CPQ: variants seen among roughly 807,000 people sequenced by gnomAD.
The protein encoded by CPQ is carboxypeptidase Q, also known as Ser-Met dipeptidase.
In CPQ, 37 loss-of-function variants were observed where a neutral mutation model predicts 45.7. That is an observed-to-expected ratio of 0.81 (90% CI 0.62 to 1.07). CPQ has a LOEUF of 1.07. Among genes scored for constraint, CPQ ranks in the 50% least tolerant of loss-of-function variants. The pLI is 0.00. For missense variants in CPQ, 537 were observed against 572.9 expected, an observed-to-expected ratio of 0.94 and a Z score of 0.64; for synonymous variants, 186 against 205.8, an observed-to-expected ratio of 0.90 and a Z score of 0.82.
intron 4 of CPQ, among the ~76,000 whole-genome samples, chr8:96,921,193 T>C (rs1300866260): frequency 6.6e-6 from 1 of 152,170 alleles, no homozygotes; most frequent in Admixed American, 6.5e-5. Flanking sequence ...TCCCCCTTTC[T>C]TTTTATGTTT....
chr8:96,751,225 A>G (rs1402195560), intron 1 of CPQ, among the ~76,000 whole-genome samples: 1 of 152,162 alleles, frequency 6.6e-6, no homozygotes, highest in East Asian at 1.9e-4. Flanking sequence ...GTCTTCCACA[A>G]TTGTTGAACT....
At chr8:97,053,216 CCTA>C (rs1355545681) in intron 6 of CPQ, among the ~76,000 whole-genome samples, 1 of 152,154 alleles carries the variant, frequency 6.6e-6, no homozygotes, top group South Asian at 2.1e-4. Flanking sequence ...TTACTGAGAG[CCTA>C]CTAAGTGCCA....
At chr8:96,869,599 T>C (rs1322695853) in intron 3 of CPQ, among the ~76,000 whole-genome samples, 1 of 152,078 alleles carries the variant, frequency 6.6e-6, no homozygotes, top group Non-Finnish European at 1.5e-5. Context: ...GAGATCACAC[T>C]TTTTCCATTG....
intron 7 of CPQ, among the ~76,000 whole-genome samples, chr8:97,089,502 T>C (rs1811097512): frequency 6.6e-6 from 1 of 152,130 alleles, no homozygotes; most frequent in Non-Finnish European, 1.5e-5. Flanking sequence ...TTCTTCATTT[T>C]CTATTAGTAC....
At chr8:96,902,177 A>T (rs1175568938) in intron 4 of CPQ, among the ~76,000 whole-genome samples, 1 of 152,186 alleles carries the variant, frequency 6.6e-6, no homozygotes, top group African/African-American at 2.4e-5. Context: ...AGGAGACTGA[A>T]AAGAAAGGAA....
In CPQ at chr8:96,673,540, G is replaced by C. The variant is rs148508633; in HGVS notation, c.-35+28138G>C. ...ATACCGGAAGGGGTGTGTTGTAAAG[G>C]GAGTAGCCTCTGATACTTTTGTTAC... On this transcript the variant is annotated intron_variant, in intron 1 of 7. Coordinates refer to ENST00000220763, the MANE Select transcript of CPQ (RefSeq NM_016134.4). Among the ~76,000 whole-genome samples, 278 of 152,232 alleles carry C rather than the reference G, an allele frequency of 1.8e-3. 2 individuals carry two copies. The highest frequency in any genetic ancestry group is 6.3e-3 in the African/African-American group (262 of 41,534).
intron 1 of CPQ, among the ~76,000 whole-genome samples, chr8:96,693,425 C>T (rs1338848123): frequency 6.6e-6 from 1 of 152,020 alleles, no homozygotes; most frequent in African/African-American, 2.4e-5. Flanking sequence ...AATAGTCAAT[C>T]TCCCAAAGGT....
intron 5 of CPQ, among the ~76,000 whole-genome samples, chr8:97,006,025 C>CA: frequency 6.6e-6 from 1 of 152,272 alleles, no homozygotes; most frequent in East Asian, 1.9e-4. Context: ...ATATTTTCCC[C>CA]AAAAATGTCC....
intron 1 of CPQ, among the ~76,000 whole-genome samples, chr8:96,649,779 A>G (rs1815557627): frequency 6.6e-6 from 1 of 152,206 alleles, no homozygotes; most frequent in African/African-American, 2.4e-5. Flanking sequence ...CAATTTAATA[A>G]CTCACTTAAA....
In CPQ at chr8:96,726,118, T is replaced by C. The variant is rs562129989; in HGVS notation, c.-34-58746T>C. Among the ~76,000 whole-genome samples, 3 of 151,864 alleles carry C rather than the reference T, an allele frequency of 2.0e-5. No homozygotes were observed. In the South Asian group the frequency reaches 6.2e-4, roughly 32 times the overall value. Reference sequence around the variant, plus strand: ...GGTAGAGAGGCAGGGGGTCAAGGGGTGAAAAATTACCTGTTGGGTACTCTG... The same window carrying C: ...GGTAGAGAGGCAGGGGGTCAAGGGGCGAAAAATTACCTGTTGGGTACTCTG... On this transcript the variant is annotated intron_variant, in intron 1 of 7. Transcript: ENST00000220763.
chr8:96,751,326 C>A (rs1311055923), intron 1 of CPQ, among the ~76,000 whole-genome samples: 1 of 152,120 alleles, frequency 6.6e-6, no homozygotes, highest in East Asian at 1.9e-4. Context: ...AATGAACCAC[C>A]ATTCTGATTG....
intron 4 of CPQ, among the ~76,000 whole-genome samples, chr8:96,950,566 T>C (rs1813247578): frequency 6.6e-6 from 1 of 152,126 alleles, no homozygotes; most frequent in Admixed American, 6.6e-5. Flanking sequence ...ATTTTCAAAC[T>C]ATGCACCCTA....
In CPQ at chr8:96,769,711, A is replaced by G. The variant is rs148647355; in HGVS notation, c.-34-15153A>G. On this transcript the variant is annotated intron_variant, in intron 1 of 7. Transcript: ENST00000220763. ...CAGTGGTGCAATATTGACTCTGTGC[A>G]GCCTTCGCCTCCTGGGCTCAAACAA... Among the ~76,000 whole-genome samples, 949 of 144,798 alleles carry G rather than the reference A, an allele frequency of 6.6e-3. 13 individuals are homozygous for G. Among genetic ancestry groups the G allele is most frequent in the African/African-American group, 0.023 (876 of 38,626 alleles). 95.0% of individuals were successfully genotyped at this position (144,798 alleles called of 152,430 possible). A position where few individuals can be genotyped will look rare whatever the true frequency, so the allele number is the denominator to read the frequency against.
At chr8:97,038,825 C>CAAAAAAAAA (rs35739621) in intron 6 of CPQ, among the ~76,000 whole-genome samples, 29 of 91,828 alleles carry the variant, frequency 3.2e-4, no homozygotes, top group African/African-American at 5.5e-4. Flanking sequence ...ACCGTATTTA[C>CAAAAAAAAA]AAAAAAAAAA....
intron 5 of CPQ, among the ~76,000 whole-genome samples, chr8:96,979,044 A>G (rs1813838317): frequency 1.6e-5 from 2 of 123,078 alleles, no homozygotes; most frequent in African/African-American, 7.2e-5. Flanking sequence ...AAAAGTTAGG[A>G]AGTGGTAAAA....
At chr8:97,053,477 G>A (rs1269063243) in intron 6 of CPQ, among the ~76,000 whole-genome samples, 1 of 152,214 alleles carries the variant, frequency 6.6e-6, no homozygotes, top group Non-Finnish European at 1.5e-5. Flanking sequence ...GGAGAGCCAC[G>A]TGGATACCTG....
chr8:96,851,380 C>T (rs1811769014), intron 3 of CPQ, among the ~76,000 whole-genome samples: 3 of 152,146 alleles, frequency 2.0e-5, no homozygotes, highest in Non-Finnish European at 1.5e-5. Flanking sequence ...ATACCATAGA[C>T]TGGGTAATTT....
chr8:96,945,617 C>A (rs990254078), intron 4 of CPQ, among the ~76,000 whole-genome samples: 1 of 151,884 alleles, frequency 6.6e-6, no homozygotes, highest in Non-Finnish European at 1.5e-5. Context: ...GTTATTTTTG[C>A]CCCTATATCC....
chr8:97,094,439 C>T lies in CPQ; in HGVS notation c.1255+28229C>T, dbSNP rs141259524. ...TTAGATCAATTCACTCCTCTACCTT[C>T]GCTGCCCCATCCATGCCAGACAGCC... On this transcript the variant is annotated intron_variant, in intron 7 of 7. Coordinates refer to ENST00000220763, the MANE Select transcript of CPQ (RefSeq NM_016134.4). 6.6e-5 allele frequency among the ~76,000 whole-genome samples: 10 copies of T among 152,258 alleles called. No individual in the cohort carries two copies. The East Asian group carries it at 1.7e-3, about 26-fold the overall frequency.
Sources: gnomAD v4.1 joint callset for allele counts (sites outside exome capture counted in the v4.1 genomes callset) on GRCh38, gnomAD v4.1.1 for gene constraint, MANE v1.5 for transcripts, NCBI Gene and HGNC (gene_info 2026-07-23, HGNC 2026-07-21) for gene names.